Variants in FAP observed in about 807,000 individuals in gnomAD.
FAP encodes fibroblast activation protein alpha.
In FAP, 110 loss-of-function variants were observed where a neutral mutation model predicts 126.5. That is an observed-to-expected ratio of 0.87 (90% confidence interval 0.74 to 1.02). The LOEUF is 1.02. Ranked by LOEUF, FAP falls within the 50% of genes least tolerant of loss-of-function variation. The pLI, the probability that FAP is intolerant of heterozygous loss-of-function variation, is 0.00. For missense variants in FAP, 919 were observed against 909.2 expected, an observed-to-expected ratio of 1.01 and a Z score of -0.14; for synonymous variants, 334 against 297.3, an observed-to-expected ratio of 1.12 and a Z score of -1.27.
At chr2:162,194,049 G>A (rs983168468) in intron 17 of FAP, 1 of 152,114 alleles carries the variant, frequency 6.6e-6, no homozygotes, top group African/African-American at 2.4e-5. Context: ...AAAACTGGTC[G>A]TCTTTGAGAT....
At chr2:162,243,031 C>A in intron 1 of FAP, 39 bp from the exon 2 acceptor site, 2 of 1,505,646 alleles carry the variant, frequency 1.3e-6, no homozygotes, top group Non-Finnish European at 1.8e-6. Context: ...CACACAGTTC[C>A]TGCTAAATAG....
intron 2 of FAP, among the ~76,000 whole-genome samples, chr2:162,238,131 C>T (rs571382080): frequency 1.1e-3 from 163 of 151,814 alleles, no homozygotes; most frequent in African/African-American, 3.8e-3. Context: ...GAAAAATTTT[C>T]TCTCATTCTG....
intron 17 of FAP, among the ~76,000 whole-genome samples, chr2:162,193,378 T>C (rs947093070): frequency 7.9e-5 from 12 of 152,180 alleles, no homozygotes; most frequent in Admixed American, 5.9e-4. Context: ...CTTATTTAAT[T>C]ACATCTGACA....
At chr2:162,211,880 C>T (rs1688949141) in intron 11 of FAP, among the ~76,000 whole-genome samples, 1 of 152,066 alleles carries the variant, frequency 6.6e-6, no homozygotes. Context: ...TGCCGGGTCA[C>T]TTAACCTTAA....
chr2:162,179,228 T>TA (rs1346589093), intron 21 of FAP, among the ~76,000 whole-genome samples: 1 of 147,914 alleles, frequency 6.8e-6, no homozygotes, highest in Non-Finnish European at 1.5e-5. Context: ...AATACTGTGT[T>TA]AAACAAAACT....
intron 2 of FAP, among the ~76,000 whole-genome samples, chr2:162,227,231 C>T (rs1158570255): frequency 1.3e-5 from 2 of 151,954 alleles, no homozygotes; most frequent in East Asian, 1.9e-4. Flanking sequence ...AGAAAGTAGA[C>T]CAAAAGAAAA....
chr2:162,196,697 A>C (rs1688266988), intron 16 of FAP, among the ~76,000 whole-genome samples: 1 of 152,084 alleles, frequency 6.6e-6, no homozygotes, highest in African/African-American at 2.4e-5. Flanking sequence ...ATCATCTGGG[A>C]CTTACTAACC....
At position 162,226,619 on chromosome 2, in the gene FAP, G is replaced by C. The variant is rs1050194355; in HGVS notation, c.94C>G (p.His32Asp). Residue 32 changes from histidine (H) to aspartate (D), a missense_variant and splice_region_variant, in exon 3 of 26, where the codon CAT (histidine) becomes GAT (aspartate). Transcript: ENST00000188790. ...CTCATTGTATTTTCTTCAGAGTTAT[G>C]AACTTTGGGGGAAGAGCAAATACAT... Reference protein sequence around the residue: ...MCIVLRPSRVHNSEENTMRAL... With the variant: ...MCIVLRPSRVDNSEENTMRAL... 5 of 1,538,142 alleles carry C rather than the reference G, an allele frequency of 3.3e-6. No individual in the cohort carries two copies. The East Asian group carries it at 6.8e-5, about 21-fold the overall frequency.
chr2:162,180,994 G>A (rs981121383), intron 21 of FAP, among the ~76,000 whole-genome samples: 1 of 152,176 alleles, frequency 6.6e-6, no homozygotes. Context: ...ATAAATGGAG[G>A]CCGGATGCGG....
chr2:162,225,380 G>A (rs891212328), intron 4 of FAP, 103 bp downstream of exon 4: 2 of 1,446,808 alleles, frequency 1.4e-6, no homozygotes, highest in Non-Finnish European at 1.9e-6. Context: ...AGCTGGGAAG[G>A]CAAGTTGTGT....
intron 2 of FAP, 115 bp downstream of exon 2, chr2:162,242,793 A>G: frequency 1.4e-6 from 1 of 729,966 alleles, no homozygotes; most frequent in Non-Finnish European, 2.3e-6. Flanking sequence ...CTTAGAAATA[A>G]CAGACTTACT....
At chr2:162,216,153 C>A in intron 9 of FAP, 152 bp from the exon 10 acceptor site, 2 of 587,654 alleles carry the variant, frequency 3.4e-6, no homozygotes, top group Non-Finnish European at 6.0e-6. Context: ...GACAAGGAAT[C>A]TCATTTCAAT....
chr2:162,222,788 G>T (rs1334325504), intron 6 of FAP, among the ~76,000 whole-genome samples: 1 of 151,932 alleles, frequency 6.6e-6, no homozygotes, highest in African/African-American at 2.4e-5. Flanking sequence ...TTATTATTTG[G>T]CCTATGCTTC....
intron 16 of FAP, chr2:162,198,199 A>G: frequency 7.8e-7 from 1 of 1,288,230 alleles, no homozygotes; most frequent in Non-Finnish European, 1.0e-6. Context: ...AAATTTAGAA[A>G]GGACAAAGGT....
chr2:162,237,635 T>C (rs556613488), intron 2 of FAP, among the ~76,000 whole-genome samples: 1 of 152,362 alleles, frequency 6.6e-6, no homozygotes, highest in East Asian at 1.9e-4. Context: ...AAGTTTTTGC[T>C]ATTGTGAACA....
At chr2:162,218,447 A>C (rs1215129068) in intron 8 of FAP, among the ~76,000 whole-genome samples, 1 of 152,068 alleles carries the variant, frequency 6.6e-6, no homozygotes, top group African/African-American at 2.4e-5. Flanking sequence ...CAGGTTTTTT[A>C]GTCACCTAAG....
Position 162,242,957 on chromosome 2 carries a change from A to C in FAP, c.42T>G (p.Ser14=). Residue 14 remains serine, a synonymous_variant, in exon 2 of 26, where the codon TCT becomes TCG. Transcript: ENST00000188790. The part of the protein sequence containing the change: ...WVKIVFGVAT[S]AVLALLVMCI... ...ACATCACCAATAAGGCAAGCACAGCAGAGGTGGCAACTCCAAATACGATTT... is the reference window on the plus strand; with the variant it reads ...ACATCACCAATAAGGCAAGCACAGCCGAGGTGGCAACTCCAAATACGATTT... 1 of 1,613,212 alleles carries C rather than the reference A, an allele frequency of 6.2e-7. No homozygotes were observed. Among genetic ancestry groups the C allele is most frequent in the Non-Finnish European group, 8.5e-7 (1 of 1,179,422 alleles).
chr2:162,194,928 T>A, intron 16 of FAP, 180 bp from the exon 17 acceptor site: 1 of 613,958 alleles, frequency 1.6e-6, no homozygotes. Context: ...AAACAATACA[T>A]GAGATCAAAG....
At chr2:162,207,871 C>T (rs549959236) in intron 12 of FAP, among the ~76,000 whole-genome samples, 1 of 151,512 alleles carries the variant, frequency 6.6e-6, no homozygotes, top group East Asian at 2.0e-4. Context: ...CCACCATGCC[C>T]GGCTAATTTT....
Sources: allele counts gnomAD v4.1 joint callset (sites outside exome capture counted in the v4.1 genomes callset), GRCh38; gene constraint gnomAD v4.1.1; transcripts MANE v1.5; gene names NCBI Gene and HGNC (gene_info 2026-07-23, HGNC 2026-07-21).